The following C1orf146 variants were observed in gnomAD, a reference collection of about 807,000 sequenced individuals.
C1orf146 encodes the protein protein SPO16 homolog.
In C1orf146, 22 loss-of-function variants were observed where a neutral mutation model predicts 23.0. That is an observed-to-expected ratio of 0.96 (90% CI 0.68 to 1.36). The LOEUF (loss-of-function observed/expected upper bound fraction) is 1.36, where lower values mean the gene tolerates loss of function less well. Ranked by LOEUF, C1orf146 falls within the 40% of genes most tolerant of loss-of-function variation. The pLI is 0.00. For synonymous variants in C1orf146, 59 were observed against 65.3 expected (o/e 0.90, Z 0.47); for missense variants, 199 against 206.8 (o/e 0.96, Z 0.23).
At chr1:92,241,460 C>T (rs1047340333) in intron 2 of C1orf146, among the ~76,000 whole-genome samples, 2 of 151,908 alleles carry the variant, frequency 1.3e-5, no homozygotes, top group African/African-American at 4.8e-5. Flanking sequence ...CCTTGGCCTC[C>T]AAGGTCTCCG....
intron 2 of C1orf146, among the ~76,000 whole-genome samples, chr1:92,237,305 T>A (rs1652307028): frequency 6.6e-6 from 1 of 152,204 alleles, no homozygotes; most frequent in South Asian, 2.1e-4. Flanking sequence ...CCTTTCTGTT[T>A]GTTAGTTTTC....
intron 1 of C1orf146, chr1:92,229,258 C>T (rs1402519753): frequency 3.8e-5 from 21 of 556,132 alleles, no homozygotes; most frequent in East Asian, 1.4e-4. Context: ...ACTGTGTTGG[C>T]GTACAGGTCT....
chr1:92,220,862 A>G (rs536792792), intron 1 of C1orf146, among the ~76,000 whole-genome samples: 1 of 152,360 alleles, frequency 6.6e-6, no homozygotes, highest in African/African-American at 2.4e-5. Context: ...GTCTCTTAGT[A>G]CAGATCACAT....
At chr1:92,226,546 T>C (rs939623435) in intron 1 of C1orf146, among the ~76,000 whole-genome samples, 31 of 152,244 alleles carry the variant, frequency 2.0e-4, no homozygotes, top group Admixed American at 1.4e-3. Context: ...TTACCACTTA[T>C]GGTTCTCTTC....
intron 1 of C1orf146, among the ~76,000 whole-genome samples, chr1:92,227,046 C>T (rs755626255): frequency 7.9e-5 from 12 of 152,098 alleles, no homozygotes; most frequent in African/African-American, 2.2e-4. Flanking sequence ...GGTACAGTTA[C>T]CATCATTTCT....
rs1333271703 is a variant in C1orf146, at chr1:92,244,294, T to G, written c.238T>G (p.Phe80Val). 2.5e-6 allele frequency: 4 copies of G among 1,610,770 alleles called. No individual in the cohort carries two copies. Among genetic ancestry groups the G allele is most frequent in the Non-Finnish European group, 3.4e-6 (4 of 1,177,480 alleles). The change falls in exon 4 of 6, where the codon TTT (phenylalanine) becomes GTT (valine). Residue 80 changes from phenylalanine to valine, a missense_variant. Transcript: ENST00000370375. ...AATATTTCTAGCCAAAATTGAGAAA[T>G]TTATTAACATTCACCAAAATAGTTT... ...EEIFLAKIEK[F>V]INIHQNSFLV...
intron 1 of C1orf146, among the ~76,000 whole-genome samples, chr1:92,220,046 A>G (rs1009485457): frequency 1.8e-4 from 27 of 152,226 alleles, no homozygotes; most frequent in African/African-American, 6.0e-4. Context: ...CTCTTATGAC[A>G]TGCCCCATCA....
At chr1:92,227,132 G>A (rs931371318) in intron 1 of C1orf146, among the ~76,000 whole-genome samples, 1 of 151,940 alleles carries the variant, frequency 6.6e-6, no homozygotes, top group Non-Finnish European at 1.5e-5. Flanking sequence ...GTTCTTATTT[G>A]TAGTCATTCT....
chr1:92,225,446 C>A (rs890657208), intron 1 of C1orf146, among the ~76,000 whole-genome samples: 1 of 152,138 alleles, frequency 6.6e-6, no homozygotes, highest in Non-Finnish European at 1.5e-5. Context: ...CCTCTAAGTA[C>A]TCCTTTAGTT....
At chr1:92,244,409 C>T (rs943764375) in intron 4 of C1orf146, 24 bp downstream of exon 4, 1 of 1,507,282 alleles carries the variant, frequency 6.6e-7, no homozygotes, top group Non-Finnish European at 9.0e-7. Context: ...GCATTATAGA[C>T]TTATTTTTCT....
rs201056876 is a variant in C1orf146 at position 92,244,770 on chromosome 1, G to T, written c.330-9G>T. 3.2e-6 allele frequency: 5 copies of T among 1,571,180 alleles called. No individual in the cohort carries two copies. In the Admixed American group the frequency reaches 6.7e-5, roughly 21 times the overall value. ...TTATATGATCTGTATAACATGAATT[G>T]TTTTTCAGATTCCTGGGTTGTAACT... On this transcript the variant is annotated splice_polypyrimidine_tract_variant and intron_variant, in intron 4 of 5. Transcript: ENST00000370375.
At chr1:92,245,497 C>A in intron 5 of C1orf146, 43 bp from the exon 6 acceptor site, 2 of 1,488,122 alleles carry the variant, frequency 1.3e-6, no homozygotes, top group South Asian at 1.2e-5. Flanking sequence ...GTGAAAATAC[C>A]TTATTTCTGT....
intron 3 of C1orf146, among the ~76,000 whole-genome samples, chr1:92,243,215 C>A (rs371152916): frequency 1.0e-3 from 158 of 152,324 alleles, no homozygotes; most frequent in African/African-American, 3.5e-3. Flanking sequence ...TAATCACAAT[C>A]ATTTTCCTCA....
chr1:92,240,542 G>A (rs1469756669), intron 2 of C1orf146, among the ~76,000 whole-genome samples: 1 of 152,070 alleles, frequency 6.6e-6, no homozygotes, highest in African/African-American at 2.4e-5. Flanking sequence ...AGAAAAGAAA[G>A]GAAGCATGTA....
intron 1 of C1orf146, among the ~76,000 whole-genome samples, chr1:92,228,488 T>A (rs1280116655): frequency 1.3e-5 from 2 of 152,228 alleles, no homozygotes; most frequent in Admixed American, 6.5e-5. Flanking sequence ...GGATAATATC[T>A]TCCTCCATAG....
chr1:92,226,922 G>A (rs1269611024), intron 1 of C1orf146, among the ~76,000 whole-genome samples: 2 of 151,990 alleles, frequency 1.3e-5, no homozygotes, highest in African/African-American at 4.8e-5. Context: ...ACCTTGTTGA[G>A]TTTTTTAAAC....
intron 3 of C1orf146, among the ~76,000 whole-genome samples, chr1:92,243,593 C>T (rs1028168672): frequency 2.0e-5 from 3 of 152,180 alleles, no homozygotes; most frequent in African/African-American, 7.2e-5. Context: ...GATCCGCCCA[C>T]CTCGGCCTCC....
At chr1:92,232,956 G>GT (rs1472521248) in intron 2 of C1orf146, among the ~76,000 whole-genome samples, 1 of 152,026 alleles carries the variant, frequency 6.6e-6, no homozygotes, top group Non-Finnish European at 1.5e-5. Context: ...TGATGGGGTT[G>GT]TTTGTTTTTT....
chr1:92,242,204 T>A lies in C1orf146; in HGVS notation c.67-8T>A, dbSNP rs1652447992. ...TTAAATTTGTATTTCTGATATTTTTTAAAAAAGAGTTATGAAGTTGCAACT... is the reference window on the plus strand; with the variant it reads ...TTAAATTTGTATTTCTGATATTTTTAAAAAAAGAGTTATGAAGTTGCAACT... On this transcript the variant is annotated splice_region_variant and splice_polypyrimidine_tract_variant and intron_variant, in intron 2 of 5. Transcript: ENST00000370375. 8.5e-6 allele frequency: 13 copies of A among 1,525,264 alleles called. No individual in the cohort carries two copies. Among genetic ancestry groups the A allele is most frequent in the South Asian group, 1.2e-5 (1 of 82,474 alleles). The allele number at this position is 1,525,264 out of a possible 1,614,324, so 94.5% of individuals were successfully genotyped here.
Sources: gnomAD v4.1 joint callset for allele counts (sites outside exome capture counted in the v4.1 genomes callset) on GRCh38, gnomAD v4.1.1 for gene constraint, MANE v1.5 for transcripts, NCBI Gene and HGNC (gene_info 2026-07-23, HGNC 2026-07-21) for gene names.